Variants in RSPO3 observed in about 807,000 individuals in gnomAD.
RSPO3 encodes R-spondin 3.
Under a neutral mutation model 36.5 loss-of-function variants are expected in RSPO3, and 17 were observed. The ratio of observed to expected loss-of-function variants is 0.47; its 90% confidence interval spans 0.32 to 0.70. The LOEUF (loss-of-function observed/expected upper bound fraction) is 0.70. Among genes scored for constraint, RSPO3 ranks in the 30% least tolerant of loss-of-function variants. The pLI is 0.04. For synonymous variants in RSPO3, 108 were observed against 107.0 expected, an observed-to-expected ratio of 1.01 and a Z score of -0.06; for missense variants, 294 against 322.5, an observed-to-expected ratio of 0.91 and a Z score of 0.68.
intron 4 of RSPO3, among the ~76,000 whole-genome samples, chr6:127,186,079 T>G (rs951393835): frequency 4.6e-5 from 7 of 152,152 alleles, no homozygotes; most frequent in Non-Finnish European, 8.8e-5. Flanking sequence ...ATTCTTTAAT[T>G]TAACCAGCTG....
At chr6:127,137,471 T>C (rs1037516707) in intron 1 of RSPO3, among the ~76,000 whole-genome samples, 4 of 152,158 alleles carry the variant, frequency 2.6e-5, no homozygotes, top group African/African-American at 9.7e-5. Context: ...TTACTAGACA[T>C]AATCAAGTAG....
intron 4 of RSPO3, among the ~76,000 whole-genome samples, chr6:127,181,511 C>A (rs1775186466): frequency 6.6e-6 from 1 of 151,734 alleles, no homozygotes; most frequent in African/African-American, 2.4e-5. Context: ...ACACCCACAC[C>A]CAGACCCATT....
Position 127,155,115 on chromosome 6 carries a change from C to T in RSPO3, c.437-126C>T, listed in dbSNP as rs147225704. On this transcript the variant is annotated intron_variant, in intron 3 of 4. Coordinates refer to ENST00000356698, the MANE Select transcript of RSPO3 (RefSeq NM_032784.5). ...TGTTTTATATTTAAGTCATCTTGCC[C>T]GACTTTGATCTGCAAGATTCTTCTC... 97 of 869,818 alleles carry T rather than the reference C, an allele frequency of 1.1e-4. No homozygotes were observed. The East Asian group carries it at 2.1e-3, about 19-fold the overall frequency. The allele number at this position is 869,818 out of a possible 1,614,324, so 53.9% of individuals were successfully genotyped here. A position where few individuals can be genotyped will look rare whatever the true frequency, so the allele number is the denominator to read the frequency against.
intron 1 of RSPO3, among the ~76,000 whole-genome samples, chr6:127,123,565 T>C (rs1412715007): frequency 6.6e-6 from 1 of 152,242 alleles, no homozygotes; most frequent in African/African-American, 2.4e-5. Flanking sequence ...TCTCAAAATA[T>C]CCCATGGTGA....
chr6:127,145,306 C>T (rs1774361747), intron 1 of RSPO3, among the ~76,000 whole-genome samples: 2 of 152,070 alleles, frequency 1.3e-5, no homozygotes, highest in South Asian at 2.1e-4. Flanking sequence ...ATTGCCTCTG[C>T]CGTACTTTAA....
At chr6:127,167,355 T>C (rs541794595) in intron 4 of RSPO3, among the ~76,000 whole-genome samples, 1 of 152,018 alleles carries the variant, frequency 6.6e-6, no homozygotes, top group South Asian at 2.1e-4. Context: ...CAGCTCCCAT[T>C]TGTGAGAACA....
intron 3 of RSPO3, 105 bp downstream of exon 3, chr6:127,150,677 T>A (rs1774474894): frequency 9.4e-7 from 1 of 1,069,214 alleles, no homozygotes; most frequent in South Asian, 1.6e-5. Context: ...TGGGCTGAGA[T>A]CTCTTAAAGG....
At chr6:127,134,940 G>A (rs1370060509) in intron 1 of RSPO3, among the ~76,000 whole-genome samples, 2 of 152,172 alleles carry the variant, frequency 1.3e-5, no homozygotes, top group Admixed American at 6.5e-5. Context: ...CATTAAGCCT[G>A]TAAAAGAGAA....
chr6:127,147,069 A>G (rs1774399714), intron 1 of RSPO3, among the ~76,000 whole-genome samples: 1 of 152,110 alleles, frequency 6.6e-6, no homozygotes, highest in Non-Finnish European at 1.5e-5. Context: ...ATGCACAGGA[A>G]AAGCAGACTT....
intron 1 of RSPO3, among the ~76,000 whole-genome samples, chr6:127,145,047 G>A (rs1774355231): frequency 6.6e-6 from 1 of 152,072 alleles, no homozygotes; most frequent in Admixed American, 6.6e-5. Flanking sequence ...CATAAAATCT[G>A]CAAAATTAAT....
At chr6:127,123,762 G>T (rs2114535073) in intron 1 of RSPO3, among the ~76,000 whole-genome samples, 1 of 152,102 alleles carries the variant, frequency 6.6e-6, no homozygotes, top group East Asian at 1.9e-4. Context: ...AAGAGTATTT[G>T]AACTTGCAAA....
At chr6:127,139,379 C>T (rs2114563932) in intron 1 of RSPO3, among the ~76,000 whole-genome samples, 1 of 152,196 alleles carries the variant, frequency 6.6e-6, no homozygotes, top group East Asian at 1.9e-4. Flanking sequence ...AGTTTATTCA[C>T]AATATAACAA....
At chr6:127,165,361 A>G (rs903293535) in intron 4 of RSPO3, among the ~76,000 whole-genome samples, 2 of 152,090 alleles carry the variant, frequency 1.3e-5, no homozygotes, top group Admixed American at 6.6e-5. Flanking sequence ...AATAAGTACA[A>G]TTGTAAACAT....
chr6:127,181,132 A>C (rs905897679), intron 4 of RSPO3, among the ~76,000 whole-genome samples: 21 of 151,880 alleles, frequency 1.4e-4, no homozygotes, highest in African/African-American at 4.3e-4. Flanking sequence ...CAGAAAATCA[A>C]ACTCAGATCT....
intron 1 of RSPO3, among the ~76,000 whole-genome samples, chr6:127,138,489 T>G (rs977611533): frequency 2.0e-5 from 3 of 152,138 alleles, no homozygotes; most frequent in Non-Finnish European, 4.4e-5. Flanking sequence ...TAAGAGTTAT[T>G]ATTGGATAAA....
At chr6:127,162,585 C>T (rs926803521) in intron 4 of RSPO3, among the ~76,000 whole-genome samples, 1 of 152,144 alleles carries the variant, frequency 6.6e-6, no homozygotes, top group South Asian at 2.1e-4. Flanking sequence ...ATACGCTCAA[C>T]AAATATTTAT....
rs528238776 is a variant in RSPO3 at position 127,190,212 on chromosome 6, T to C, written c.635-5611T>C. Among the ~76,000 whole-genome samples, 59 of 152,184 alleles carry C rather than the reference T, an allele frequency of 3.9e-4. No homozygotes were observed. The Middle Eastern group carries it at 0.024, about 61-fold the overall frequency. ...GCCAAGGCAAGCAAATCACCTGATATCAGGAGTTCAAGACCAGCCTGACCG... is the reference window on the plus strand; with the variant it reads ...GCCAAGGCAAGCAAATCACCTGATACCAGGAGTTCAAGACCAGCCTGACCG... On this transcript the variant is annotated intron_variant, in intron 4 of 4. Transcript: ENST00000356698.
intron 1 of RSPO3, among the ~76,000 whole-genome samples, chr6:127,143,353 T>C (rs1004446300): frequency 1.3e-5 from 2 of 152,090 alleles, no homozygotes; most frequent in African/African-American, 2.4e-5. Context: ...AAAGGACAGA[T>C]GTAAAAAAAA....
chr6:127,157,271 T>C (rs1383008545), intron 4 of RSPO3, among the ~76,000 whole-genome samples: 2 of 152,164 alleles, frequency 1.3e-5, no homozygotes, highest in Admixed American at 1.3e-4. Flanking sequence ...ATCATTCTTT[T>C]CACAAAGATT....
Sources: gnomAD v4.1 joint callset for allele counts (sites outside exome capture counted in the v4.1 genomes callset) on GRCh38, gnomAD v4.1.1 for gene constraint, MANE v1.5 for transcripts, NCBI Gene and HGNC (gene_info 2026-07-23, HGNC 2026-07-21) for gene names.